The following TNS3 variants were observed in gnomAD, a reference collection of about 807,000 sequenced individuals.
TNS3 encodes the protein tensin-3.
A neutral mutation model predicts 140.9 loss-of-function variants in TNS3; 45 were observed. That is an observed-to-expected ratio of 0.32 (90% CI 0.25 to 0.41). The LOEUF is 0.41. TNS3 is among the 10% of genes least tolerant of loss of function. TNS3 has a pLI of 1.00. For synonymous variants in TNS3, 815 were observed against 788.4 expected (o/e 1.03, Z -0.56); for missense variants, 1,716 against 1,906.7 (o/e 0.90, Z 1.86).
intron 1 of TNS3, among the ~76,000 whole-genome samples, chr7:47,574,856 G>A (rs1800640660): frequency 6.6e-6 from 1 of 152,130 alleles, no homozygotes; most frequent in Non-Finnish European, 1.5e-5. Context: ...GGGACTGGGG[G>A]GAGGGGAACA....
intron 17 of TNS3, among the ~76,000 whole-genome samples, chr7:47,349,785 T>C (rs1789558655): frequency 6.6e-6 from 1 of 152,210 alleles, no homozygotes; most frequent in Admixed American, 6.5e-5. Flanking sequence ...CACTACGTGC[T>C]AGGATGCACC....
rs567355850 is a variant in TNS3, at chr7:47,380,923, C to T, written c.1025-11302G>A. Among the ~76,000 whole-genome samples, 6 of 152,294 alleles carry T rather than the reference C, an allele frequency of 3.9e-5. 1 individual carries two copies. The South Asian group carries it at 8.3e-4, about 21-fold the overall frequency. Reference sequence around the variant, plus strand: ...AGAGGAGGGCGGGGGCGTGCCACCTCCCTCCCAGGCACCTGGCCTCCCACT... The same window carrying T: ...AGAGGAGGGCGGGGGCGTGCCACCTTCCTCCCAGGCACCTGGCCTCCCACT... On this transcript the variant is annotated intron_variant, in intron 16 of 30. Transcript: ENST00000311160.
Position 47,394,721 on chromosome 7 carries a change from C to T in TNS3, c.1024+2079G>A, listed in dbSNP as rs550424702. On this transcript the variant is annotated intron_variant, in intron 16 of 30. Transcript: ENST00000311160. ...GATTCTCCGTAAAGTTTCATGTAAC[C>T]CCTAAAGGATGGTGAACACTCAACT... 5.3e-5 allele frequency among the ~76,000 whole-genome samples: 8 copies of T among 152,340 alleles called. No individual in the cohort carries two copies. In the East Asian group the frequency reaches 1.3e-3, roughly 26 times the overall value.
chr7:47,401,829 G>A (rs1474621824), intron 13 of TNS3, among the ~76,000 whole-genome samples: 2 of 152,248 alleles, frequency 1.3e-5, no homozygotes, highest in African/African-American at 4.8e-5. Context: ...GGACCACCAG[G>A]TAGTGGCACT....
intron 1 of TNS3, chr7:47,539,665 A>G: frequency 6.2e-6 from 1 of 161,660 alleles, no homozygotes; most frequent in Admixed American, 5.9e-5. Flanking sequence ...CTGACCTCCC[A>G]GACTGGTTAA....
chr7:47,361,206 C>CAAAAAAAAAAA (rs56823708), intron 17 of TNS3, among the ~76,000 whole-genome samples: 2,693 of 46,890 alleles, frequency 0.057, 370 homozygotes, highest in Non-Finnish European at 0.074. Flanking sequence ...GTAACCATGC[C>CAAAAAAAAAAA]AAAAAAAAAA....
chr7:47,387,775 G>T (rs1390063540), intron 16 of TNS3, among the ~76,000 whole-genome samples: 6 of 152,224 alleles, frequency 3.9e-5, no homozygotes, highest in African/African-American at 1.4e-4. Flanking sequence ...GCACGCACAA[G>T]TTCTACTCTT....
chr7:47,525,051 G>C lies in TNS3; in HGVS notation c.-153+3985C>G, dbSNP rs114211836. ...GACCAAAAATCTATTTCACCAGTGAGAAAAACCAGTGCTACACTGGGTTCC... is the reference window on the plus strand; with the variant it reads ...GACCAAAAATCTATTTCACCAGTGACAAAAACCAGTGCTACACTGGGTTCC... On this transcript the variant is annotated intron_variant, in intron 2 of 30. Transcript: ENST00000311160. Among the ~76,000 whole-genome samples, 1,018 of 152,268 alleles carry C rather than the reference G, an allele frequency of 6.7e-3. 15 individuals carry two copies. The highest frequency in any genetic ancestry group is 0.023 in the African/African-American group (950 of 41,534).
At chr7:47,527,149 A>G (rs1187063412) in intron 2 of TNS3, among the ~76,000 whole-genome samples, 1 of 152,132 alleles carries the variant, frequency 6.6e-6, no homozygotes, top group Non-Finnish European at 1.5e-5. Context: ...AGGCAGGAGA[A>G]TGGCGTGAAC....
At chr7:47,452,180 C>T (rs867006427) in intron 4 of TNS3, among the ~76,000 whole-genome samples, 3 of 152,234 alleles carry the variant, frequency 2.0e-5, no homozygotes, top group African/African-American at 7.2e-5. Context: ...TGCACTTTAT[C>T]CACAAGTTAT....
intron 4 of TNS3, among the ~76,000 whole-genome samples, chr7:47,458,391 A>G (rs1796343599): frequency 2.0e-5 from 3 of 152,236 alleles, no homozygotes; most frequent in Admixed American, 1.3e-4. Context: ...TGAGGCTTCC[A>G]TCTGGAAGTG....
In TNS3 at chr7:47,424,158, G is replaced by A. The variant is rs767135486; in HGVS notation, c.416C>T (p.Ala139Val). The A allele has an allele frequency of 2.5e-5, 40 of 1,614,012 alleles. No homozygotes were observed. The highest frequency in any genetic ancestry group is 3.2e-5 in the Non-Finnish European group (38 of 1,180,028). Residue 139 changes from alanine to valine, a missense_variant, in exon 10 of 31, where the codon GCA (alanine) becomes GTA (valine). By Grantham distance (64) the Ala-to-Val change is moderately conservative. This residue lies in a region of TNS3 where 337 missense variants were observed against 428.9 expected (regional missense o/e 0.79). Coordinates refer to ENST00000311160, the MANE Select transcript of TNS3 (RefSeq NM_022748.12). Reference protein sequence around the residue: ...ASADQALDRFAMKKFYDDKVS... With the variant: ...ASADQALDRFVMKKFYDDKVS... Reference sequence around the variant, plus strand: ...TTTGTCATCATAAAACTTCTTCATTGCAAACCTGTCAAGGGCCTGGTCGGC... The same window carrying A: ...TTTGTCATCATAAAACTTCTTCATTACAAACCTGTCAAGGGCCTGGTCGGC...
At chr7:47,439,451 C>T in intron 6 of TNS3, 36 bp downstream of exon 6, 1 of 1,608,682 alleles carries the variant, frequency 6.2e-7, no homozygotes, top group East Asian at 2.2e-5. Flanking sequence ...TGCTGCAGAG[C>T]CTGCCCAAAG....
At chr7:47,387,373 T>C (rs1198002703) in intron 16 of TNS3, among the ~76,000 whole-genome samples, 1 of 152,102 alleles carries the variant, frequency 6.6e-6, no homozygotes, top group African/African-American at 2.4e-5. Flanking sequence ...AAGAGTGTTG[T>C]TACTCCTAAG....
chr7:47,440,196 G>T (rs1011403051), intron 5 of TNS3, among the ~76,000 whole-genome samples: 7 of 152,158 alleles, frequency 4.6e-5, no homozygotes, highest in African/African-American at 1.7e-4. Flanking sequence ...CCAAGGATGA[G>T]GCTGGTGAGG....
chr7:47,469,234 A>G (rs1796845452), intron 4 of TNS3, among the ~76,000 whole-genome samples: 1 of 152,252 alleles, frequency 6.6e-6, no homozygotes, highest in Non-Finnish European at 1.5e-5. Flanking sequence ...AAAAATTGAC[A>G]AGTGGGAGCT....
intron 1 of TNS3, among the ~76,000 whole-genome samples, chr7:47,558,946 T>TCC (rs1800266278): frequency 6.6e-6 from 1 of 152,092 alleles, no homozygotes. Flanking sequence ...AGCCGAAATC[T>TCC]CCCCAGAGGG....
At chr7:47,295,950 A>T (rs1785994298) in intron 24 of TNS3, among the ~76,000 whole-genome samples, 1 of 152,160 alleles carries the variant, frequency 6.6e-6, no homozygotes, top group African/African-American at 2.4e-5. Flanking sequence ...ACTTTTCTAT[A>T]AACACAGGGA....
intron 23 of TNS3, among the ~76,000 whole-genome samples, chr7:47,299,276 T>A (rs1786242711): frequency 6.6e-6 from 1 of 152,148 alleles, no homozygotes; most frequent in Admixed American, 6.5e-5. Context: ...TAGCTGGGAC[T>A]ACAAGTGTAC....
Sources: gnomAD v4.1 joint callset for allele counts (sites outside exome capture counted in the v4.1 genomes callset) on GRCh38, gnomAD v4.1.1 for gene constraint, gnomAD v4.1.1 regional missense constraint, MANE v1.5 for transcripts, NCBI Gene and HGNC (gene_info 2026-07-23, HGNC 2026-07-21) for gene names.